The following KLHL18 variants were observed in gnomAD, a reference collection of about 807,000 sequenced individuals.
KLHL18 encodes kelch-like protein 18.
Under a neutral mutation model 58.5 loss-of-function variants are expected in KLHL18, and 38 were observed. The observed-to-expected ratio is 0.65, with a 90% CI of 0.50 to 0.85. The LOEUF is 0.85. Among genes scored for constraint, KLHL18 ranks in the 40% least tolerant of loss-of-function variants. The pLI, the probability that KLHL18 is intolerant of heterozygous loss-of-function variation, is 0.00. For missense variants in KLHL18, 624 were observed against 778.4 expected (o/e 0.80, Z 2.36); for synonymous variants, 303 against 301.9 (o/e 1.00, Z -0.04).
intron 1 of KLHL18, among the ~76,000 whole-genome samples, chr3:47,289,274 T>C (rs1447977410): frequency 6.6e-6 from 1 of 152,202 alleles, no homozygotes; most frequent in African/African-American, 2.4e-5. Flanking sequence ...GGCATTAGTC[T>C]TCTCAGCATT....
At chr3:47,296,925 T>C (rs894508110) in intron 1 of KLHL18, among the ~76,000 whole-genome samples, 5 of 152,206 alleles carry the variant, frequency 3.3e-5, no homozygotes, top group Admixed American at 1.3e-4. Flanking sequence ...TATAGTTACA[T>C]GTTCAGTGGT....
intron 1 of KLHL18, among the ~76,000 whole-genome samples, chr3:47,318,805 G>A (rs556958146): frequency 2.6e-5 from 4 of 152,262 alleles, no homozygotes; most frequent in African/African-American, 7.2e-5. Flanking sequence ...GGTGGCTCAC[G>A]CCTGTTTAAT....
intron 1 of KLHL18, among the ~76,000 whole-genome samples, chr3:47,292,373 C>T (rs1702807506): frequency 6.6e-6 from 1 of 151,730 alleles, no homozygotes; most frequent in African/African-American, 2.4e-5. Flanking sequence ...ACTCGGGAGG[C>T]TGAGGCGGGA....
chr3:47,322,566 A>G lies in KLHL18; in HGVS notation c.261-2A>G. ...CCTCACAGCTTTCCCTCTTTCCTCT[A>G]GTGCCCTGGAGGCTCTGATCAACTT... On this transcript the variant is annotated splice_acceptor_variant, in intron 2 of 9. Transcript: ENST00000232766. LOFTEE classifies it high-confidence loss of function. 1 of 1,593,852 alleles carries G rather than the reference A, an allele frequency of 6.3e-7. No homozygotes were observed.
intron 4 of KLHL18, among the ~76,000 whole-genome samples, chr3:47,331,687 C>T (rs1703866187): frequency 6.6e-6 from 1 of 151,764 alleles, no homozygotes; most frequent in African/African-American, 2.4e-5. Context: ...CCCACCTCGG[C>T]CTCCCAAAGT....
At chr3:47,309,183 C>T (rs549536391) in intron 1 of KLHL18, among the ~76,000 whole-genome samples, 1 of 152,358 alleles carries the variant, frequency 6.6e-6, no homozygotes, top group African/African-American at 2.4e-5. Context: ...TACACAGACA[C>T]AGCAACAATC....
intron 1 of KLHL18, among the ~76,000 whole-genome samples, chr3:47,314,691 G>T (rs1703381826): frequency 6.6e-6 from 1 of 152,114 alleles, no homozygotes; most frequent in Non-Finnish European, 1.5e-5. Flanking sequence ...TTCTAGATCT[G>T]CCCTAATCCA....
At chr3:47,291,118 G>A (rs544737793) in intron 1 of KLHL18, among the ~76,000 whole-genome samples, 2 of 152,254 alleles carry the variant, frequency 1.3e-5, no homozygotes, top group East Asian at 1.9e-4. Context: ...AACTGCAGAC[G>A]GTTCCTTTAT....
intron 3 of KLHL18, among the ~76,000 whole-genome samples, chr3:47,324,020 C>T (rs1279389462): frequency 6.6e-6 from 1 of 152,174 alleles, no homozygotes; most frequent in Non-Finnish European, 1.5e-5. Flanking sequence ...GTGGGGAGCT[C>T]ATCTGCTGAA....
At chr3:47,306,581 T>G (rs1703153063) in intron 1 of KLHL18, among the ~76,000 whole-genome samples, 1 of 152,230 alleles carries the variant, frequency 6.6e-6, no homozygotes, top group South Asian at 2.1e-4. Flanking sequence ...CTTTTCTGAA[T>G]AGTGATGTAA....
intron 8 of KLHL18, among the ~76,000 whole-genome samples, chr3:47,342,027 A>C (rs934384671): frequency 6.6e-6 from 1 of 152,066 alleles, no homozygotes; most frequent in African/African-American, 2.4e-5. Context: ...TCAGAACTGC[A>C]TTGAGCTATG....
chr3:47,339,171 T>C (rs1027127552), intron 7 of KLHL18, among the ~76,000 whole-genome samples: 1 of 152,122 alleles, frequency 6.6e-6, no homozygotes, highest in Admixed American at 6.5e-5. Context: ...TGGTGCTCTT[T>C]CCTTCCTTGC....
At chr3:47,333,345 A>G (rs1325242332) in intron 5 of KLHL18, 28 bp downstream of exon 5, 1 of 1,604,792 alleles carries the variant, frequency 6.2e-7, no homozygotes, top group Admixed American at 1.7e-5. Flanking sequence ...TGCACAGGAC[A>G]CTGCCAAAGG....
intron 1 of KLHL18, among the ~76,000 whole-genome samples, chr3:47,308,923 C>T (rs916622816): frequency 6.6e-6 from 1 of 152,164 alleles, no homozygotes; most frequent in African/African-American, 2.4e-5. Context: ...TGGGGCCTTC[C>T]GCAGTGTTTG....
intron 1 of KLHL18, among the ~76,000 whole-genome samples, chr3:47,306,566 T>C (rs1395518849): frequency 6.6e-6 from 1 of 152,224 alleles, no homozygotes; most frequent in East Asian, 1.9e-4. Context: ...TTGTTTAGTT[T>C]TCTGCTTTTC....
At chr3:47,316,464 TATATATATGTATATATATACATATATAC>T (rs1559495336) in intron 1 of KLHL18, among the ~76,000 whole-genome samples, 19 of 114,224 alleles carry the variant, frequency 1.7e-4, no homozygotes, top group African/African-American at 6.3e-4. Flanking sequence ...TGTACAAATA[TATATATATGTATATATATACATATATAC>T]ATATATATGT....
rs559040814 is a variant in KLHL18 at position 47,283,563 on chromosome 3, T to G, written c.129+469T>G. On this transcript the variant is annotated intron_variant, in intron 1 of 9. Transcript: ENST00000232766. ...GGAATCATTGCCCTTAATTGTTGAA[T>G]TACTACTTTGTCTCTTAAGAGCTTT... 8.9e-5 allele frequency: 14 copies of G among 157,434 alleles called. No homozygotes were observed. The South Asian group carries it at 2.5e-3, about 28-fold the overall frequency. The allele number at this position is 157,434 out of a possible 1,614,324, so 9.8% of individuals were successfully genotyped here.
chr3:47,305,334 G>GTTTTTTTT (rs397744565), intron 1 of KLHL18, among the ~76,000 whole-genome samples: 14 of 70,352 alleles, frequency 2.0e-4, no homozygotes, highest in South Asian at 6.7e-4. Context: ...ATTTTGTCAA[G>GTTTTTTTT]TTTTTTTTTT....
At chr3:47,337,351 T>A in intron 7 of KLHL18, 3 of 157,640 alleles carry the variant, frequency 1.9e-5, no homozygotes, top group Admixed American at 1.2e-4. Flanking sequence ...TCTAGCTACC[T>A]GCTCTCTCCA....
Sources: gnomAD v4.1 joint callset for allele counts (sites outside exome capture counted in the v4.1 genomes callset) on GRCh38, gnomAD v4.1.1 for gene constraint, MANE v1.5 for transcripts, NCBI Gene and HGNC (gene_info 2026-07-23, HGNC 2026-07-21) for gene names.